The following DMXL2 variants were observed in gnomAD, a reference collection of about 807,000 sequenced individuals.
DMXL2 encodes dmX-like protein 2.
DMXL2 carries 103 observed loss-of-function variants against 331.1 expected under a neutral mutation model. The ratio of observed to expected loss-of-function variants is 0.31; its 90% CI spans 0.27 to 0.37. DMXL2 has a LOEUF of 0.37. Among genes scored for constraint, DMXL2 ranks in the 10% least tolerant of loss-of-function variants. DMXL2 has a pLI of 1.00. For missense variants in DMXL2, 3,171 were observed against 3,642.9 expected (o/e 0.87, Z 3.33); for synonymous variants, 1,281 against 1,252.1 (o/e 1.02, Z -0.49).
chr15:51,592,079 G>A (rs528972075), intron 1 of DMXL2, among the ~76,000 whole-genome samples: 5 of 152,286 alleles, frequency 3.3e-5, no homozygotes, highest in South Asian at 2.1e-4. Flanking sequence ...TGACTTTGAC[G>A]AGCTGAGAGA....
chr15:51,598,007 T>C (rs1372686397), intron 1 of DMXL2, among the ~76,000 whole-genome samples: 1 of 152,226 alleles, frequency 6.6e-6, no homozygotes, highest in Non-Finnish European at 1.5e-5. Flanking sequence ...TATTGTTATA[T>C]TCTGGATACT....
Position 51,480,813 on chromosome 15 carries a change from G to A in DMXL2, c.6293C>T (p.Ser2098Phe). 6.2e-7 allele frequency: 1 copy of A among 1,611,140 alleles called. No homozygotes were observed. Among genetic ancestry groups the A allele is most frequent in the Non-Finnish European group, 8.5e-7 (1 of 1,178,642 alleles). The change falls in exon 24 of 44, where the codon TCC becomes TTC. Residue 2098 changes from serine (S) to phenylalanine (F), a missense_variant. Transcript: ENST00000560891. The part of the protein sequence containing the change: ...CNHESVIKEY[S>F]SKTYSKVESD... ...CTCTACTTTGGAATATGTCTTACTGGAATACTCTTTAATAACTGATTCATG... is the reference window on the plus strand; with the variant it reads ...CTCTACTTTGGAATATGTCTTACTGAAATACTCTTTAATAACTGATTCATG...
At chr15:51,538,134 G>A (rs369698549) in intron 10 of DMXL2, 79 bp downstream of exon 10, 6 of 1,486,270 alleles carry the variant, frequency 4.0e-6, no homozygotes, top group African/African-American at 2.8e-5. Context: ...GAGCGGGAAG[G>A]AAGAATTCAA....
At chr15:51,481,814 G>A (rs58722459) in intron 23 of DMXL2, among the ~76,000 whole-genome samples, 191 bp from the exon 24 acceptor site, 4 of 152,196 alleles carry the variant, frequency 2.6e-5, no homozygotes, top group East Asian at 1.9e-4. Context: ...AATATGCTAC[G>A]GAGTGATTCC....
rs765137113 is a variant in DMXL2, at chr15:51,498,554, G to A, written c.4670C>T (p.Ser1557Leu). 43 of 1,604,426 alleles carry A rather than the reference G, an allele frequency of 2.7e-5. No homozygotes were observed. The highest frequency in any genetic ancestry group is 4.0e-5 in the African/African-American group (3 of 74,410). The change falls in exon 18 of 44, where the codon TCA (serine) becomes TTA (leucine). Residue 1557 changes from serine (S) to leucine (L), a missense_variant and splice_region_variant. Ser to Leu is a moderately radical substitution (Grantham distance 145, BLOSUM62 -2). This residue lies in a region of DMXL2 where 252 missense variants were observed against 387.4 expected (regional missense o/e 0.65). Transcript: ENST00000560891. ...AAATTTTTAGCGAGAATATTTACCT[G>A]AGCAACTCTTATCTCTGCTTTCATC... Reference protein sequence around the residue: ...ELDESRDKSCSGRDTLDECGL... With the variant: ...ELDESRDKSCLGRDTLDECGL...
Position 51,456,036 on chromosome 15 carries a change from T to C in DMXL2, c.8526+30A>G, listed in dbSNP as rs748190415. On this transcript the variant is annotated intron_variant, in intron 39 of 43. Transcript: ENST00000560891. ...CTAAATATCCACAACTATTTTCAGATGAATTCAGCAGTAGCCCCCAGAAAC... is the reference window on the plus strand; with the variant it reads ...CTAAATATCCACAACTATTTTCAGACGAATTCAGCAGTAGCCCCCAGAAAC... The C allele has an allele frequency of 1.9e-6, 3 of 1,609,438 alleles. No homozygotes were observed. The South Asian group carries it at 3.3e-5, about 18-fold the overall frequency.
At chr15:51,490,804 G>C (rs977851917) in intron 20 of DMXL2, among the ~76,000 whole-genome samples, 1 of 152,122 alleles carries the variant, frequency 6.6e-6, no homozygotes, top group African/African-American at 2.4e-5. Context: ...TTCACTTGCT[G>C]CCACAGATAT....
chr15:51,587,210 C>T (rs1481695385), intron 1 of DMXL2, among the ~76,000 whole-genome samples: 2 of 152,122 alleles, frequency 1.3e-5, no homozygotes, highest in Non-Finnish European at 2.9e-5. Flanking sequence ...GGTACATGTG[C>T]ACAACGTGCA....
In DMXL2 at chr15:51,453,538, C is replaced by T. The variant is rs1369964656; in HGVS notation, c.8696+12G>A. The stretch of plus-strand genomic sequence containing the variant: ...TTTTTATATTTCTTACTTTGCTTTT[C>T]TGTCAACCTACCTATTGTCATTGGA... On this transcript the variant is annotated intron_variant, in intron 41 of 43. Coordinates refer to ENST00000560891, the MANE Select transcript of DMXL2 (RefSeq NM_001378457.1). 2 of 1,576,326 alleles carry T rather than the reference C, an allele frequency of 1.3e-6. No individual in the cohort carries two copies. Among genetic ancestry groups the T allele is most frequent in the African/African-American group, 2.7e-5 (2 of 73,152 alleles).
chr15:51,573,656 G>A (rs2050816776), intron 2 of DMXL2, among the ~76,000 whole-genome samples: 1 of 151,982 alleles, frequency 6.6e-6, no homozygotes, highest in African/African-American at 2.4e-5. Context: ...AGAACACATG[G>A]ACACTGGGGG....
intron 19 of DMXL2, among the ~76,000 whole-genome samples, chr15:51,494,290 T>C (rs1411681423): frequency 6.6e-6 from 1 of 152,174 alleles, no homozygotes; most frequent in South Asian, 2.1e-4. Context: ...GTAAGTGCCA[T>C]GGGTAAGAAT....
intron 20 of DMXL2, 93 bp downstream of exon 20, chr15:51,491,484 AT>A (rs1160248064): frequency 1.5e-6 from 2 of 1,300,650 alleles, no homozygotes; most frequent in African/African-American, 1.5e-5. Context: ...AGACAAACAA[AT>A]TTCCCACTAC....
At chr15:51,563,903 G>T (rs371571798) in intron 5 of DMXL2, among the ~76,000 whole-genome samples, 24 of 151,976 alleles carry the variant, frequency 1.6e-4, no homozygotes, top group African/African-American at 5.8e-4. Flanking sequence ...CTCCTGTCCT[G>T]GGGCTATAAC....
chr15:51,542,702 C>CA (rs1351749004), intron 8 of DMXL2, among the ~76,000 whole-genome samples, 195 bp from the exon 9 acceptor site: 2 of 151,800 alleles, frequency 1.3e-5, no homozygotes, highest in African/African-American at 4.8e-5. Flanking sequence ...TAGTTCAAGG[C>CA]AAAAAGCAGT....
chr15:51,457,155 G>T, intron 37 of DMXL2, 173 bp downstream of exon 37: 1 of 726,926 alleles, frequency 1.4e-6, no homozygotes. Context: ...CTGCGCGACA[G>T]AGCCAGACCC....
intron 17 of DMXL2, among the ~76,000 whole-genome samples, chr15:51,502,469 C>T (rs374272457): frequency 5.7e-4 from 87 of 151,928 alleles, no homozygotes; most frequent in East Asian, 3.7e-3. Context: ...ATTACAGGCA[C>T]GTGCCACCAC....
rs753558113 is a variant in DMXL2, at chr15:51,481,515, G to T, written c.5591C>A (p.Thr1864Asn). 4.3e-6 allele frequency: 7 copies of T among 1,613,558 alleles called. No homozygotes were observed. The East Asian group carries it at 1.3e-4, about 31-fold the overall frequency. ...GTTCTTCTCAGTTTTGAGACCTAAG[G>T]TTGCCAAAGTTCCTTCAGGGGAGGC... is the stretch of plus-strand genomic sequence containing the variant. ...NLASPEGTLA[T>N]LGLKTEKNFV... The change falls in exon 24 of 44, where the codon ACC (threonine) becomes AAC (asparagine). Residue 1864 changes from threonine (T) to asparagine (N), a missense_variant. Coordinates refer to ENST00000560891, the MANE Select transcript of DMXL2 (RefSeq NM_001378457.1).
chr15:51,465,512 C>G (rs906769461), intron 31 of DMXL2, 54 bp downstream of exon 31: 6 of 1,309,908 alleles, frequency 4.6e-6, no homozygotes, highest in Non-Finnish European at 6.5e-6. Context: ...TAAAGAGAAA[C>G]TTGACGGCAA....
intron 27 of DMXL2, among the ~76,000 whole-genome samples, chr15:51,475,736 T>C (rs561435281): frequency 2.0e-5 from 3 of 152,182 alleles, no homozygotes; most frequent in Non-Finnish European, 4.4e-5. Flanking sequence ...AAAAAAGGTC[T>C]GTAGATTAGA....
Sources: allele counts gnomAD v4.1 joint callset (sites outside exome capture counted in the v4.1 genomes callset), GRCh38; gene constraint gnomAD v4.1.1; regional missense constraint gnomAD v4.1.1; transcripts MANE v1.5; gene names NCBI Gene and HGNC (gene_info 2026-07-23, HGNC 2026-07-21).